Variants in SVIL observed in about 807,000 individuals in gnomAD.
SVIL encodes the protein archvillin.
SVIL carries 101 observed loss-of-function variants against 240.4 expected under a neutral mutation model. The ratio of observed to expected loss-of-function variants is 0.42; its 90% confidence interval spans 0.36 to 0.50. SVIL has a LOEUF of 0.50. SVIL is among the 20% of genes least tolerant of loss of function. SVIL has a pLI of 0.01. For synonymous variants in SVIL, 999 were observed against 1,100.0 expected, an observed-to-expected ratio of 0.91 and a Z score of 1.82; for missense variants, 2,512 against 2,818.7, an observed-to-expected ratio of 0.89 and a Z score of 2.46.
intron 1 of SVIL, among the ~76,000 whole-genome samples, chr10:29,576,983 C>T (rs768213353): frequency 1.3e-5 from 2 of 152,104 alleles, no homozygotes; most frequent in South Asian, 2.1e-4. Context: ...TGGATTCAAG[C>T]GATTCCCCTG....
chr10:29,586,946 A>G (rs541046445), intron 1 of SVIL, among the ~76,000 whole-genome samples: 3 of 152,292 alleles, frequency 2.0e-5, no homozygotes, highest in Admixed American at 1.3e-4. Flanking sequence ...ATGGGTACTA[A>G]GCTTAGTACC....
chr10:29,663,665 C>A (rs1314237577), intron 2 of SVIL, among the ~76,000 whole-genome samples: 2 of 152,164 alleles, frequency 1.3e-5, no homozygotes, highest in Admixed American at 1.3e-4. Flanking sequence ...TTGAGAGACG[C>A]CTATATTCCA....
chr10:29,512,604 G>T, intron 17 of SVIL, 131 bp downstream of exon 17: 1 of 1,490,080 alleles, frequency 6.7e-7, no homozygotes, highest in African/African-American at 1.4e-5. Flanking sequence ...CAGACTCTCA[G>T]TGTGTACCCT....
rs781607337 is a variant in SVIL at position 29,470,240 on chromosome 10, G to T, written c.5843+36C>A. 3 of 1,587,622 alleles carry T rather than the reference G, an allele frequency of 1.9e-6. No individual in the cohort carries two copies. In the South Asian group the frequency reaches 3.3e-5, roughly 18 times the overall value. On this transcript the variant is annotated intron_variant, in intron 32 of 37. Transcript: ENST00000355867. ...CTGCCCCGTCCCTCTGGGAAGCCCG[G>T]TGTGTGGGGGGACTCGCCGCAGACA...
At chr10:29,605,531 TCTG>T (rs1230477517) in intron 1 of SVIL, among the ~76,000 whole-genome samples, 1 of 152,100 alleles carries the variant, frequency 6.6e-6, no homozygotes, top group Non-Finnish European at 1.5e-5. Flanking sequence ...TTGTGAGCTG[TCTG>T]TTCAGATCTT....
intron 1 of SVIL, among the ~76,000 whole-genome samples, chr10:29,734,208 A>G (rs1422136374): frequency 6.6e-6 from 1 of 152,204 alleles, no homozygotes; most frequent in African/African-American, 2.4e-5. Flanking sequence ...TTTGGGGAGG[A>G]AACCTTAGTT....
chr10:29,563,781 C>G (rs1321452848), intron 2 of SVIL, among the ~76,000 whole-genome samples: 6 of 152,120 alleles, frequency 3.9e-5, no homozygotes, highest in Non-Finnish European at 8.8e-5. Context: ...TTTGGAAAGC[C>G]TCATGAAGAC....
chr10:29,688,521 T>A (rs548439892), intron 1 of SVIL, among the ~76,000 whole-genome samples: 8 of 152,372 alleles, frequency 5.3e-5, no homozygotes, highest in African/African-American at 1.9e-4. Flanking sequence ...AAGTTCTAAT[T>A]TTCTTTTGTT....
chr10:29,549,800 C>T (rs1464764091), intron 6 of SVIL, among the ~76,000 whole-genome samples: 1 of 135,962 alleles, frequency 7.4e-6, no homozygotes. Context: ...CATATTCTCA[C>T]TCATAGGTGG....
chr10:29,707,479 A>G (rs1962970853), intron 1 of SVIL, among the ~76,000 whole-genome samples: 1 of 152,070 alleles, frequency 6.6e-6, no homozygotes, highest in Admixed American at 6.6e-5. Context: ...TGATTTTTGC[A>G]TATTGATTTT....
At chr10:29,574,564 G>A (rs1955602314) in intron 1 of SVIL, among the ~76,000 whole-genome samples, 1 of 152,138 alleles carries the variant, frequency 6.6e-6, no homozygotes, top group African/African-American at 2.4e-5. Flanking sequence ...TGATCACCTG[G>A]TCTTCATGTA....
At chr10:29,520,682 A>T (rs963541829) in intron 16 of SVIL, among the ~76,000 whole-genome samples, 1 of 152,000 alleles carries the variant, frequency 6.6e-6, no homozygotes, top group Admixed American at 6.6e-5. Flanking sequence ...CTGAGGTGGG[A>T]GGACTGTTTG....
At chr10:29,569,076 T>C (rs141573559) in intron 2 of SVIL, among the ~76,000 whole-genome samples, 179 bp downstream of exon 2, 253 of 152,314 alleles carry the variant, frequency 1.7e-3, no homozygotes, top group African/African-American at 5.8e-3. Context: ...CCAAATAGTT[T>C]CCATAAGCAG....
intron 16 of SVIL, among the ~76,000 whole-genome samples, chr10:29,521,426 T>G (rs1003709377): frequency 4.6e-5 from 7 of 152,230 alleles, no homozygotes; most frequent in Admixed American, 3.9e-4. Flanking sequence ...GAAATGGTTC[T>G]CCTAATATGG....
rs1456293153 is a variant in SVIL, at chr10:29,537,438, C to T, written c.828-1369G>A. Among the ~76,000 whole-genome samples, 3 of 152,286 alleles carry T rather than the reference C, an allele frequency of 2.0e-5. No individual in the cohort carries two copies. In the East Asian group the frequency reaches 5.8e-4, roughly 29 times the overall value. ...AATATGAACGAGTAATTATACCAGG[C>T]TGAAGGTATTTTAGAGAAACATCAT... is the stretch of plus-strand genomic sequence containing the variant. On this transcript the variant is annotated intron_variant, in intron 6 of 37. Coordinates refer to ENST00000355867, the MANE Select transcript of SVIL (RefSeq NM_021738.3).
chr10:29,480,235 T>A (rs1946678827), intron 29 of SVIL, among the ~76,000 whole-genome samples: 1 of 152,158 alleles, frequency 6.6e-6, no homozygotes, highest in Non-Finnish European at 1.5e-5. Context: ...ATCATCTCTT[T>A]CCCAGAAAAG....
At chr10:29,648,428 A>G (rs1958734843) in intron 3 of SVIL, among the ~76,000 whole-genome samples, 1 of 152,228 alleles carries the variant, frequency 6.6e-6, no homozygotes, top group Admixed American at 6.5e-5. Context: ...AGACGGAATC[A>G]GTACTCTTCC....
chr10:29,651,618 TTCTCTCTCTCTCTC>T (rs9299622), intron 3 of SVIL, among the ~76,000 whole-genome samples: 1 of 135,328 alleles, frequency 7.4e-6, no homozygotes, highest in Admixed American at 7.6e-5. Context: ...GCCACATGCA[TTCTCTCTCTCTCTC>T]TCTCTCTCTC....
At chr10:29,579,499 T>A (rs1399171125) in intron 1 of SVIL, among the ~76,000 whole-genome samples, 1 of 152,120 alleles carries the variant, frequency 6.6e-6, no homozygotes, top group Non-Finnish European at 1.5e-5. Flanking sequence ...CAATGATTCC[T>A]GCAGTCCAAC....
Sources: allele counts gnomAD v4.1 joint callset (sites outside exome capture counted in the v4.1 genomes callset), GRCh38; gene constraint gnomAD v4.1.1; transcripts MANE v1.5; gene names NCBI Gene and HGNC (gene_info 2026-07-23, HGNC 2026-07-21).